NELFCD: variants seen among roughly 807,000 people sequenced by gnomAD.
NELFCD encodes the protein negative elongation factor C/D.
NELFCD carries 48 observed loss-of-function variants against 72.9 expected under a neutral mutation model. The observed-to-expected ratio is 0.66, with a 90% CI of 0.52 to 0.84. The LOEUF is 0.84. Among genes scored for constraint, NELFCD ranks in the 40% least tolerant of loss-of-function variants. The pLI is 0.00. For synonymous variants in NELFCD, 297 were observed against 280.6 expected (o/e 1.06, Z -0.59); for missense variants, 538 against 723.8 (o/e 0.74, Z 2.94).
rs1433941430 is a variant in NELFCD at position 58,993,689 on chromosome 20, T to G, written c.1506T>G (p.Pro502=). 1 of 1,614,232 alleles carries G rather than the reference T, an allele frequency of 6.2e-7. No individual in the cohort carries two copies. The highest frequency in any genetic ancestry group is 8.5e-7 in the Non-Finnish European group (1 of 1,180,034). Residue 502 remains proline (P), a synonymous_variant, in exon 13 of 15, where the codon CCT becomes CCG. Coordinates refer to ENST00000652272, the MANE Select transcript of NELFCD (RefSeq NM_198976.4). This position sits in a 1 kb window ranked among gnomAD's most constrained non-coding sequence, Gnocchi z 5.0. ...TGCTGAGTCGAGGTTATGTACTTCC[T>G]GTTGTCAGTTACATCCGAAAGTGTC... is the stretch of plus-strand genomic sequence containing the variant. ...VHLLSRGYVL[P]VVSYIRKCLE...
intron 8 of NELFCD, 79 bp from the exon 9 acceptor site, chr20:58,991,233 T>C (rs2091814331): frequency 4.4e-6 from 7 of 1,594,998 alleles, no homozygotes; most frequent in Admixed American, 3.4e-5. Context: ...GCCCCTGCTG[T>C]GTAGGGAACC....
chr20:58,991,781 A>G, intron 9 of NELFCD, 100 bp from the exon 10 acceptor site: 2 of 1,401,392 alleles, frequency 1.4e-6, no homozygotes, highest in African/African-American at 1.4e-5. Flanking sequence ...CTTAAGTAGA[A>G]ATAGGGAAAG....
At chr20:58,990,851 AAG>A in intron 7 of NELFCD, 57 bp from the exon 8 acceptor site, 1 of 1,472,418 alleles carries the variant, frequency 6.8e-7, no homozygotes, top group Non-Finnish European at 9.3e-7. Context: ...ATGTGTAAAA[AAG>A]AACAGAAAAA....
At chr20:58,987,472 G>A (rs1271714300) in intron 3 of NELFCD, 1 of 531,022 alleles carries the variant, frequency 1.9e-6, no homozygotes, top group Non-Finnish European at 3.3e-6. Context: ...TCTGCAGATG[G>A]TGCTGTCCTT....
rs1355873585 is a variant in NELFCD at position 58,987,697 on chromosome 20, T to C, written c.287-11T>C. On this transcript the variant is annotated splice_polypyrimidine_tract_variant and intron_variant, in intron 3 of 14. Transcript: ENST00000652272. ...GCTTGCCATTGTCTAGTTGCTTTTA[T>C]TCTCTTTCAGGTGTTGAGCCAGTGC... 1.2e-6 allele frequency: 2 copies of C among 1,610,480 alleles called. No individual in the cohort carries two copies.
rs1285551325 is a variant in NELFCD at position 58,986,362 on chromosome 20, T to G, written c.176+154T>G. The stretch of plus-strand genomic sequence containing the variant: ...CCCCTCTGCCACTTTTTTTTTTTTT[T>G]TAAATTTTTTTAAGACAGAGTCTTG... On this transcript the variant is annotated intron_variant, in intron 2 of 14. Coordinates refer to ENST00000652272, the MANE Select transcript of NELFCD (RefSeq NM_198976.4). This position sits in a 1 kb window ranked among gnomAD's most constrained non-coding sequence, Gnocchi z 4.4. The G allele has an allele frequency of 1.7e-6, 1 of 584,378 alleles. No homozygotes were observed. Among genetic ancestry groups the G allele is most frequent in the Non-Finnish European group, 3.0e-6 (1 of 332,840 alleles). The allele number at this position is 584,378 out of a possible 1,614,324, so 36.2% of individuals were successfully genotyped here.
At chr20:58,984,023 TAGG>T (rs2091755162) in intron 1 of NELFCD, among the ~76,000 whole-genome samples, 1 of 152,010 alleles carries the variant, frequency 6.6e-6, no homozygotes. Flanking sequence ...GGAAAGGTGT[TAGG>T]AGGGTGGCAA....
Position 58,986,341 on chromosome 20 carries a change from T to C in NELFCD, c.176+133T>C. 2 of 610,298 alleles carry C rather than the reference T, an allele frequency of 3.3e-6. No homozygotes were observed. The highest frequency in any genetic ancestry group is 2.8e-6 in the Non-Finnish European group (1 of 351,892). 37.8% of individuals were successfully genotyped at this position (610,298 alleles called of 1,614,324 possible). ...CTAAAGGCTTCAAGGGGGGGTCCCC[T>C]CTGCCACTTTTTTTTTTTTTTTAAA... On this transcript the variant is annotated intron_variant, in intron 2 of 14. Coordinates refer to ENST00000652272, the MANE Select transcript of NELFCD (RefSeq NM_198976.4). The surrounding 1 kb of genome is among the most constrained non-coding windows in gnomAD (Gnocchi z 4.4).
rs750913573 is a variant in NELFCD, at chr20:58,991,922, G to A, written c.1131G>A (p.Thr377=). 1.2e-5 allele frequency: 19 copies of A among 1,614,084 alleles called. No homozygotes were observed. Among genetic ancestry groups the A allele is most frequent in the South Asian group, 4.4e-5 (4 of 91,088 alleles). Residue 377 remains threonine, a synonymous_variant, in exon 10 of 15, where the codon ACG becomes ACA. Coordinates refer to ENST00000652272, the MANE Select transcript of NELFCD (RefSeq NM_198976.4). The stretch of plus-strand genomic sequence containing the variant: ...TCAATAAAGATGAGCTGAAGTCAAC[G>A]TCAAAAGCTGTCGAAACCGTTCACA... The part of the protein sequence containing the change: ...VSINKDELKS[T]SKAVETVHNL...
At chr20:58,989,123 A>G (rs2091794349) in intron 5 of NELFCD, 102 bp downstream of exon 5, 1 of 836,900 alleles carries the variant, frequency 1.2e-6, no homozygotes, top group Non-Finnish European at 2.0e-6. Flanking sequence ...TTTTTCCATA[A>G]AGGTCTTTAT....
chr20:58,989,427 G>A (rs757897061), intron 5 of NELFCD, 61 bp from the exon 6 acceptor site: 1 of 1,591,404 alleles, frequency 6.3e-7, no homozygotes, highest in Non-Finnish European at 8.6e-7. Flanking sequence ...TGACAAGCCA[G>A]CTTCCCGTGG....
chr20:58,981,352 G>A lies in NELFCD; in HGVS notation c.43G>A (p.Glu15Lys). 1 of 1,112,180 alleles carries A rather than the reference G, an allele frequency of 9.0e-7. No homozygotes were observed. The highest frequency in any genetic ancestry group is 5.0e-5 in the East Asian group (1 of 20,152). 68.9% of individuals were successfully genotyped at this position (1,112,180 alleles called of 1,614,324 possible). A position where few individuals can be genotyped will look rare whatever the true frequency, so the allele number is the denominator to read the frequency against. The change falls in exon 1 of 15, where the codon GAG becomes AAG. Residue 15 changes from glutamate to lysine, a missense_variant. This residue lies in a region of NELFCD where 47 missense variants were observed against 35.3 expected (regional missense o/e 1.33). Transcript: ENST00000652272. ...CGGGAGCGCGGCCGAGTGGGGCGAC[G>A]AGGCTGACGGCGGCCAGGTGAGGCG... is the stretch of plus-strand genomic sequence containing the variant. ...YYGSAAEWGDEADGGQQEDDS... is the reference protein window; with the variant it reads ...YYGSAAEWGDKADGGQQEDDS...
Position 58,993,583 on chromosome 20 carries a change from G to C in NELFCD, c.1440+39G>C, listed in dbSNP as rs2091833637. The C allele has an allele frequency of 6.2e-7, 1 of 1,614,064 alleles. No homozygotes were observed. ...GTGGGGCTTGCCAGAGGGCTGAGGAGGACCCTCTCTAACCAGCTCCCTGTC... is the reference window on the plus strand; with the variant it reads ...GTGGGGCTTGCCAGAGGGCTGAGGACGACCCTCTCTAACCAGCTCCCTGTC... On this transcript the variant is annotated intron_variant, in intron 12 of 14. Transcript: ENST00000652272. The surrounding 1 kb of genome is among the most constrained non-coding windows in gnomAD (Gnocchi z 5.0).
chr20:58,982,119 G>T lies in NELFCD; in HGVS notation c.60+750G>T, dbSNP rs553624493. On this transcript the variant is annotated intron_variant, in intron 1 of 14. Transcript: ENST00000652272. ...TGGAGACGGCCCAACAGTTGGTCTG[G>T]ACGGGAGCCTGGGAACTTGCATTTT... 2.7e-4 allele frequency among the ~76,000 whole-genome samples: 40 copies of T among 148,792 alleles called. 1 individual carries two copies. In the East Asian group the frequency reaches 6.3e-3, roughly 24 times the overall value.
chr20:58,991,080 G>A lies in NELFCD; in HGVS notation c.954+5G>A. On this transcript the variant is annotated splice_donor_5th_base_variant and intron_variant, in intron 8 of 14. Coordinates refer to ENST00000652272, the MANE Select transcript of NELFCD (RefSeq NM_198976.4). ...GACCCTCCTCCGGTTGAACTTGTAA[G>A]TTGCTTCTCAAGAATCCCCAATGTC... 6.2e-7 allele frequency: 1 copy of A among 1,612,054 alleles called. No homozygotes were observed. Among genetic ancestry groups the A allele is most frequent in the Non-Finnish European group, 8.5e-7 (1 of 1,178,670 alleles).
chr20:58,993,181 A>T lies in NELFCD; in HGVS notation c.1344+69A>T. The T allele has an allele frequency of 8.8e-7, 1 of 1,141,558 alleles. No homozygotes were observed. The highest frequency in any genetic ancestry group is 1.3e-6 in the Non-Finnish European group (1 of 751,266). 70.7% of individuals were successfully genotyped at this position (1,141,558 alleles called of 1,614,324 possible). A position where few individuals can be genotyped will look rare whatever the true frequency, so the allele number is the denominator to read the frequency against. ...TCATGCTGTTTACGTTGGCATTAAC[A>T]TTGCATCTATTCAGTGAGTTTAGAG... On this transcript the variant is annotated intron_variant, in intron 11 of 14. Coordinates refer to ENST00000652272, the MANE Select transcript of NELFCD (RefSeq NM_198976.4). The surrounding 1 kb of genome is among the most constrained non-coding windows in gnomAD (Gnocchi z 5.0).
Position 58,994,702 on chromosome 20 carries a change from CA to C in NELFCD, c.*27del, listed in dbSNP as rs1273849269. 3.8e-6 allele frequency: 6 copies of C among 1,579,940 alleles called. No individual in the cohort carries two copies. The highest frequency in any genetic ancestry group is 5.2e-6 in the Non-Finnish European group (6 of 1,153,042). ...TTTAGAGCATCCTCCAGAGCTGAAG[CA>C]GAACATTCCAGAACCCGTTGTGGAA... On this transcript the variant is annotated 3_prime_UTR_variant, in exon 15 of 15. Transcript: ENST00000652272.
chr20:58,986,121 A>T lies in NELFCD; in HGVS notation c.89A>T (p.Asp30Val). Residue 30 changes from aspartate (D) to valine (V), a missense_variant, in exon 2 of 15, where the codon GAT becomes GTT. By Grantham distance (152) the Asp-to-Val change is radical. Coordinates refer to ENST00000652272, the MANE Select transcript of NELFCD (RefSeq NM_198976.4). This position sits in a 1 kb window ranked among gnomAD's most constrained non-coding sequence, Gnocchi z 4.4. Reference protein sequence around the residue: ...QQEDDSGEGEDDAEVQQECLH... With the variant: ...QQEDDSGEGEVDAEVQQECLH... The stretch of plus-strand genomic sequence containing the variant: ...GAGGATGATTCTGGAGAAGGAGAGG[A>T]TGATGCGGAGGTTCAGCAAGAATGC... 1 of 1,613,908 alleles carries T rather than the reference A, an allele frequency of 6.2e-7. No individual in the cohort carries two copies. Among genetic ancestry groups the T allele is most frequent in the Non-Finnish European group, 8.5e-7 (1 of 1,179,786 alleles).
intron 1 of NELFCD, among the ~76,000 whole-genome samples, 169 bp from the exon 2 acceptor site, chr20:58,985,924 C>T (rs927386986): frequency 6.6e-6 from 1 of 152,174 alleles, no homozygotes; most frequent in Non-Finnish European, 1.5e-5. Flanking sequence ...ATCCCATTTT[C>T]CTAGCCACTC....
Sources: allele counts gnomAD v4.1 joint callset (sites outside exome capture counted in the v4.1 genomes callset), GRCh38; gene constraint gnomAD v4.1.1; regional missense constraint gnomAD v4.1.1; non-coding constraint Gnocchi (gnomAD v3.1); transcripts MANE v1.5; gene names NCBI Gene and HGNC (gene_info 2026-07-23, HGNC 2026-07-21).